NFAT5: variants seen among roughly 807,000 people sequenced by gnomAD.
The protein encoded by NFAT5 is nuclear factor of activated T-cells 5.
Under a neutral mutation model 166.5 loss-of-function variants are expected in NFAT5, and 31 were observed. The ratio of observed to expected loss-of-function variants is 0.19; its 90% CI spans 0.14 to 0.25. NFAT5 has a LOEUF of 0.25. Ranked by LOEUF, NFAT5 falls within the 10% of genes least tolerant of loss-of-function variation. The probability of loss-of-function intolerance (pLI) is 1.00; values close to 1 mark genes in which losing one functional copy is unlikely to be tolerated. For missense variants in NFAT5, 1,449 were observed against 1,821.8 expected, an observed-to-expected ratio of 0.80 and a Z score of 3.72; for synonymous variants, 612 against 639.7, an observed-to-expected ratio of 0.96 and a Z score of 0.65.
At chr16:69,656,738 C>T (rs1312478782) in intron 6 of NFAT5, among the ~76,000 whole-genome samples, 8 of 152,280 alleles carry the variant, frequency 5.3e-5, no homozygotes, top group East Asian at 1.9e-4. Context: ...AGGCATGAGC[C>T]GCTGCACCCA....
At chr16:69,621,723 T>G (rs1025735533) in intron 2 of NFAT5, among the ~76,000 whole-genome samples, 1 of 152,132 alleles carries the variant, frequency 6.6e-6, no homozygotes, top group African/African-American at 2.4e-5. Flanking sequence ...CCAGGCACTT[T>G]GGGAGGCTGA....
In NFAT5 at chr16:69,698,705, C is replaced by G. The variant is rs1454052294; in HGVS notation, c.*2354C>G. On this transcript the variant is annotated 3_prime_UTR_variant, in exon 15 of 15. Coordinates refer to ENST00000349945, the MANE Select transcript of NFAT5 (RefSeq NM_138713.4). ...GGCAATGGCGTCAAATGGTGTTTCA[C>G]AAGAATGAGCCATTCAGTCTTTGCT... 1 of 152,542 alleles carries G rather than the reference C, an allele frequency of 6.6e-6. No individual in the cohort carries two copies. Among genetic ancestry groups the G allele is most frequent in the African/African-American group, 2.4e-5 (1 of 41,424 alleles). The allele number at this position is 152,542 out of a possible 1,614,324, so 9.4% of individuals were successfully genotyped here.
chr16:69,591,195 G>A (rs1432401270), intron 2 of NFAT5, among the ~76,000 whole-genome samples: 1 of 152,198 alleles, frequency 6.6e-6, no homozygotes, highest in Non-Finnish European at 1.5e-5. Flanking sequence ...GCCTCCCAAA[G>A]TGCTGGGATT....
chr16:69,606,658 C>G (rs951576575), intron 2 of NFAT5, among the ~76,000 whole-genome samples: 12 of 152,086 alleles, frequency 7.9e-5, no homozygotes, highest in African/African-American at 2.7e-4. Flanking sequence ...AGTTCAAAAC[C>G]AGCCTGGCCA....
At chr16:69,570,240 A>T (rs987259351) in intron 2 of NFAT5, among the ~76,000 whole-genome samples, 1 of 152,170 alleles carries the variant, frequency 6.6e-6, no homozygotes, top group African/African-American at 2.4e-5. Context: ...TATAACATGT[A>T]TAAGTATCAA....
chr16:69,685,546 T>TAA (rs148053131), intron 11 of NFAT5: 9 of 134,886 alleles, frequency 6.7e-5, no homozygotes, highest in Non-Finnish European at 9.7e-5. Context: ...GACCCTGTCT[T>TAA]AAAAAAAAAA....
In NFAT5 at chr16:69,688,202, CAAAA is replaced by C. The variant is rs1188158260; in HGVS notation, c.1775-2717_1775-2714del. ...TGGGCGACAGAGCGAGACTCCGTCT[CAAAA>C]AAAAAAAAAAAAAAAAAAAACCAGG... On this transcript the variant is annotated intron_variant, in intron 11 of 14. Coordinates refer to ENST00000349945, the MANE Select transcript of NFAT5 (RefSeq NM_138713.4). 6.6e-3 allele frequency among the ~76,000 whole-genome samples: 327 copies of C among 49,456 alleles called. 1 individual carries two copies. The highest frequency in any genetic ancestry group is 0.021 in the South Asian group (23 of 1,104). 32.4% of individuals were successfully genotyped at this position (49,456 alleles called of 152,430 possible).
chr16:69,576,026 G>A (rs2016725521), intron 2 of NFAT5, among the ~76,000 whole-genome samples: 1 of 152,024 alleles, frequency 6.6e-6, no homozygotes, highest in South Asian at 2.1e-4. Context: ...TTTGAGGCCG[G>A]GCTCGGTGGC....
chr16:69,598,911 G>A (rs1051382439), intron 2 of NFAT5, among the ~76,000 whole-genome samples: 2 of 151,790 alleles, frequency 1.3e-5, no homozygotes, highest in Admixed American at 6.6e-5. Context: ...CTACTCAGGA[G>A]GGTGAGGCAG....
chr16:69,653,139 A>G, intron 4 of NFAT5, 97 bp from the exon 5 acceptor site: 1 of 754,046 alleles, frequency 1.3e-6, no homozygotes, highest in Non-Finnish European at 2.1e-6. Flanking sequence ...TTTTACTATT[A>G]TTGCCAGTTC....
At position 69,700,792 on chromosome 16, in the gene NFAT5, A is replaced by C. The variant is rs1292263809; in HGVS notation, c.*4441A>C. 1 of 152,158 alleles carries C rather than the reference A, an allele frequency of 6.6e-6. No individual in the cohort carries two copies. Among genetic ancestry groups the C allele is most frequent in the Admixed American group, 6.6e-5 (1 of 15,266 alleles). 9.4% of individuals were successfully genotyped at this position (152,158 alleles called of 1,614,324 possible). On this transcript the variant is annotated 3_prime_UTR_variant, in exon 15 of 15. Transcript: ENST00000349945. The stretch of plus-strand genomic sequence containing the variant: ...ATACCCTAGTAAGTGGGTTAGTAGA[A>C]TCTCATAACATGTATTAAAAAGAGG...
intron 2 of NFAT5, among the ~76,000 whole-genome samples, chr16:69,587,172 T>G (rs2032124172): frequency 6.7e-6 from 1 of 150,186 alleles, no homozygotes; most frequent in African/African-American, 2.5e-5. Context: ...AACCTCTGCC[T>G]CCAGGTTCAA....
chr16:69,597,524 C>G (rs1360774324), intron 2 of NFAT5, among the ~76,000 whole-genome samples: 1 of 151,464 alleles, frequency 6.6e-6, no homozygotes, highest in African/African-American at 2.4e-5. Flanking sequence ...AGCATGATTT[C>G]TTTACTCTCG....
At chr16:69,590,320 G>T (rs1399323925) in intron 2 of NFAT5, among the ~76,000 whole-genome samples, 1 of 152,106 alleles carries the variant, frequency 6.6e-6, no homozygotes, top group Non-Finnish European at 1.5e-5. Flanking sequence ...AGACAATTTT[G>T]CTATGGTATG....
At chr16:69,580,922 T>TG (rs1166444232) in intron 2 of NFAT5, among the ~76,000 whole-genome samples, 1 of 152,222 alleles carries the variant, frequency 6.6e-6, no homozygotes, top group African/African-American at 2.4e-5. Flanking sequence ...CCCGGAGAGC[T>TG]GGGATTACAG....
intron 2 of NFAT5, among the ~76,000 whole-genome samples, chr16:69,576,036 C>A (rs927606118): frequency 3.9e-5 from 6 of 151,982 alleles, no homozygotes; most frequent in African/African-American, 1.4e-4. Context: ...GGCTCGGTGG[C>A]TCACGCCTGT....
At chr16:69,660,765 T>C (rs2036088825) in intron 7 of NFAT5, among the ~76,000 whole-genome samples, 1 of 151,954 alleles carries the variant, frequency 6.6e-6, no homozygotes, top group Admixed American at 6.6e-5. Flanking sequence ...ATTATTGTTA[T>C]AGGTAATAAA....
chr16:69,601,054 G>A (rs961280282), intron 2 of NFAT5, among the ~76,000 whole-genome samples: 1 of 151,946 alleles, frequency 6.6e-6, no homozygotes, highest in African/African-American at 2.4e-5. Context: ...ACTTTTCTCT[G>A]CTATTGCTGC....
chr16:69,588,910 G>T, intron 2 of NFAT5, among the ~76,000 whole-genome samples: 1 of 148,980 alleles, frequency 6.7e-6, no homozygotes, highest in Non-Finnish European at 1.5e-5. Flanking sequence ...TCTAGTTTTG[G>T]AAAGAAAGAC....
Sources: allele counts gnomAD v4.1 joint callset (sites outside exome capture counted in the v4.1 genomes callset), GRCh38; gene constraint gnomAD v4.1.1; transcripts MANE v1.5; gene names NCBI Gene and HGNC (gene_info 2026-07-23, HGNC 2026-07-21).